IRAG1: variants seen among roughly 807,000 people sequenced by gnomAD.
IRAG1 encodes IP3R-associated cGMP kinase substrate.
A neutral mutation model predicts 106.2 loss-of-function variants in IRAG1; 62 were observed. That is an observed-to-expected ratio of 0.58 (90% confidence interval 0.48 to 0.72). The LOEUF (loss-of-function observed/expected upper bound fraction) is 0.72, where lower values mean the gene tolerates loss of function less well. Among genes scored for constraint, IRAG1 ranks in the 30% least tolerant of loss-of-function variants. The pLI is 0.00. For missense variants in IRAG1, 1,064 were observed against 1,140.7 expected, an observed-to-expected ratio of 0.93 and a Z score of 0.97; for synonymous variants, 462 against 443.9, an observed-to-expected ratio of 1.04 and a Z score of -0.51.
chr11:10,609,667 T>C, intron 11 of IRAG1, 61 bp downstream of exon 11: 2 of 1,567,266 alleles, frequency 1.3e-6, no homozygotes, highest in South Asian at 2.3e-5. Flanking sequence ...GTGTCCCACC[T>C]AGAATCCAAC....
intron 1 of IRAG1, among the ~76,000 whole-genome samples, chr11:10,692,142 T>C (rs758841429): frequency 8.6e-5 from 13 of 151,980 alleles, no homozygotes; most frequent in East Asian, 1.9e-4. Context: ...CCTCCAAGCA[T>C]AAAGATAGGT....
rs537556448 is a variant in IRAG1, at chr11:10,656,326, C to T, written c.68-4144G>A. 4.6e-5 allele frequency among the ~76,000 whole-genome samples: 7 copies of T among 152,342 alleles called. No homozygotes were observed. In the East Asian group the frequency reaches 9.6e-4, roughly 21 times the overall value. ...AGCTTTTATGACTCTACTCATTCTG[C>T]CTCCAGCTAGTGCCTAACTAGAACC... On this transcript the variant is annotated intron_variant, in intron 1 of 20. Transcript: ENST00000423302.
intron 1 of IRAG1, among the ~76,000 whole-genome samples, chr11:10,685,667 A>C (rs1164282126): frequency 6.6e-6 from 1 of 151,388 alleles, no homozygotes; most frequent in Non-Finnish European, 1.5e-5. Flanking sequence ...CCTGCAAGTC[A>C]GCTGTGACTA....
At chr11:10,689,572 T>A (rs1408967463) in intron 1 of IRAG1, among the ~76,000 whole-genome samples, 1 of 152,226 alleles carries the variant, frequency 6.6e-6, no homozygotes, top group Non-Finnish European at 1.5e-5. Context: ...AGAGCCATCA[T>A]GTCACATGTG....
chr11:10,587,759 A>G (rs969512727), intron 18 of IRAG1, among the ~76,000 whole-genome samples: 1 of 152,126 alleles, frequency 6.6e-6, no homozygotes, highest in Non-Finnish European at 1.5e-5. Flanking sequence ...TCTCCACTCC[A>G]TGCCCAACCG....
At chr11:10,634,548 T>C (rs1438487711) in intron 2 of IRAG1, among the ~76,000 whole-genome samples, 1 of 152,180 alleles carries the variant, frequency 6.6e-6, no homozygotes, top group African/African-American at 2.4e-5. Context: ...CATCTCCCCA[T>C]TTCTCCCACC....
At chr11:10,609,502 A>G (rs1854761530) in intron 11 of IRAG1, among the ~76,000 whole-genome samples, 1 of 152,218 alleles carries the variant, frequency 6.6e-6, no homozygotes, top group African/African-American at 2.4e-5. Flanking sequence ...TTATGCCTTC[A>G]TGAACTGTGC....
At chr11:10,627,393 C>A (rs1173699549) in intron 8 of IRAG1, among the ~76,000 whole-genome samples, 1 of 152,150 alleles carries the variant, frequency 6.6e-6, no homozygotes, top group Non-Finnish European at 1.5e-5. Flanking sequence ...GCTTTCCTGC[C>A]CTTTTCACTG....
intron 1 of IRAG1, among the ~76,000 whole-genome samples, chr11:10,676,389 G>A (rs1358532820): frequency 6.6e-6 from 1 of 152,208 alleles, no homozygotes; most frequent in Non-Finnish European, 1.5e-5. Flanking sequence ...TTCTTCTGGC[G>A]ACAGCAGCAC....
chr11:10,576,911 G>C (rs548047270), intron 20 of IRAG1, among the ~76,000 whole-genome samples: 1 of 152,182 alleles, frequency 6.6e-6, no homozygotes, highest in Non-Finnish European at 1.5e-5. Flanking sequence ...TATTCACGGG[G>C]TGATTACTGA....
At chr11:10,591,277 C>A (rs1446090390) in intron 18 of IRAG1, among the ~76,000 whole-genome samples, 1 of 152,148 alleles carries the variant, frequency 6.6e-6, no homozygotes, top group Non-Finnish European at 1.5e-5. Flanking sequence ...TTGTCTGTAG[C>A]CCAAGGAATC....
chr11:10,633,374 C>T (rs555107643), intron 3 of IRAG1, among the ~76,000 whole-genome samples: 22 of 152,262 alleles, frequency 1.4e-4, no homozygotes, highest in African/African-American at 4.8e-4. Flanking sequence ...TGCGCCCGGC[C>T]GAGAATTATC....
At chr11:10,613,712 G>A (rs1855166681) in intron 10 of IRAG1, among the ~76,000 whole-genome samples, 2 of 152,070 alleles carry the variant, frequency 1.3e-5, no homozygotes, top group East Asian at 3.8e-4. Flanking sequence ...GGAAATGTAG[G>A]AAGAAATGTG....
At position 10,611,834 on chromosome 11, in the gene IRAG1, C is replaced by T. The variant is rs1010643589; in HGVS notation, c.1448-1983G>A. On this transcript the variant is annotated intron_variant, in intron 10 of 20. Coordinates refer to ENST00000423302, the MANE Select transcript of IRAG1 (RefSeq NM_130385.4). Reference sequence around the variant, plus strand: ...ATGGAGGGGGCAAGTAGGCAGTTGTCAGAGGAGATTCAGAAAGTTTCCCTA... The same window carrying T: ...ATGGAGGGGGCAAGTAGGCAGTTGTTAGAGGAGATTCAGAAAGTTTCCCTA... 3 of 152,170 alleles carry T rather than the reference C, an allele frequency of 2.0e-5. No homozygotes were observed. In the East Asian group the frequency reaches 5.8e-4, roughly 29 times the overall value. The allele number at this position is 152,170 out of a possible 1,614,324, so 9.4% of individuals were successfully genotyped here.
chr11:10,640,703 G>T (rs1183021999), intron 2 of IRAG1, among the ~76,000 whole-genome samples: 1 of 152,172 alleles, frequency 6.6e-6, no homozygotes, highest in Non-Finnish European at 1.5e-5. Flanking sequence ...CAAACACAAG[G>T]CAGGCCTTCA....
At position 10,576,272 on chromosome 11, in the gene IRAG1, T is replaced by TGGGGAAAGG; in HGVS notation, c.*51_*59dup. On this transcript the variant is annotated 3_prime_UTR_variant, in exon 21 of 21. Coordinates refer to ENST00000423302, the MANE Select transcript of IRAG1 (RefSeq NM_130385.4). ...CCACACTTGGGCCTGACGTTATACT[T>TGGGGAAAGG]GGGGAAAGGGTGGTAGTCTGAGTGT... 5.0e-6 allele frequency: 8 copies of TGGGGAAAGG among 1,600,750 alleles called. No individual in the cohort carries two copies. Among genetic ancestry groups the TGGGGAAAGG allele is most frequent in the Non-Finnish European group, 6.8e-6 (8 of 1,171,878 alleles).
intron 10 of IRAG1, among the ~76,000 whole-genome samples, chr11:10,612,854 T>C (rs781505632): frequency 4.6e-5 from 7 of 151,870 alleles, no homozygotes; most frequent in Non-Finnish European, 7.4e-5. Flanking sequence ...CATGCAAAGA[T>C]GGAAGATGAT....
At position 10,657,336 on chromosome 11, in the gene IRAG1, C is replaced by T. The variant is rs1859000760; in HGVS notation, c.68-5154G>A. ...CACCGAATCTGGGTCTGATGCTCCC[C>T]TTCCTTGCAGGGCCAAGCCTGTTCT... On this transcript the variant is annotated intron_variant, in intron 1 of 20. Coordinates refer to ENST00000423302, the MANE Select transcript of IRAG1 (RefSeq NM_130385.4). The surrounding 1 kb of genome is among the most constrained non-coding windows in gnomAD (Gnocchi z 4.1). Among the ~76,000 whole-genome samples, 1 of 152,180 alleles carries T rather than the reference C, an allele frequency of 6.6e-6. No individual in the cohort carries two copies. Among genetic ancestry groups the T allele is most frequent in the Non-Finnish European group, 1.5e-5 (1 of 68,040 alleles).
intron 1 of IRAG1, chr11:10,690,251 A>G (rs1418826368): frequency 3.9e-5 from 16 of 414,788 alleles, no homozygotes; most frequent in Non-Finnish European, 6.2e-5. Context: ...TTAGCCAGGC[A>G]TGGTGGTACT....
Sources: allele counts gnomAD v4.1 joint callset (sites outside exome capture counted in the v4.1 genomes callset), GRCh38; gene constraint gnomAD v4.1.1; non-coding constraint Gnocchi (gnomAD v3.1); transcripts MANE v1.5; gene names NCBI Gene and HGNC (gene_info 2026-07-23, HGNC 2026-07-21).